The following MAST4 variants were observed in gnomAD, a reference collection of about 807,000 sequenced individuals.
MAST4 encodes the protein microtubule-associated serine/threonine-protein kinase 4.
In MAST4, 89 loss-of-function variants were observed where a neutral mutation model predicts 162.7. The ratio of observed to expected loss-of-function variants is 0.55; its 90% CI spans 0.46 to 0.65. MAST4 has a LOEUF of 0.65. Ranked by LOEUF, MAST4 falls within the 30% of genes least tolerant of loss-of-function variation. The pLI is 0.00. For synonymous variants in MAST4, 1,479 were observed against 1,361.1 expected (o/e 1.09, Z -1.91); for missense variants, 3,153 against 3,374.0 (o/e 0.93, Z 1.62).
chr5:66,926,754 A>G (rs537907079), intron 4 of MAST4, among the ~76,000 whole-genome samples: 2 of 152,084 alleles, frequency 1.3e-5, no homozygotes, highest in South Asian at 4.1e-4. Context: ...TGCTATATGA[A>G]GGAAAAAAGG....
chr5:66,925,915 CCATTT>C (rs1379894623), intron 4 of MAST4, among the ~76,000 whole-genome samples: 2 of 152,074 alleles, frequency 1.3e-5, no homozygotes, highest in Non-Finnish European at 1.5e-5. Flanking sequence ...GTTGAGTCCT[CCATTT>C]CATGAGCTTT....
At chr5:67,097,409 T>C (rs1489171791) in intron 7 of MAST4, among the ~76,000 whole-genome samples, 3 of 152,144 alleles carry the variant, frequency 2.0e-5, no homozygotes, top group Admixed American at 1.3e-4. Context: ...ACAGAGAGAC[T>C]GTTTAACTGA....
At chr5:67,132,021 TTTC>T (rs1268446289) in intron 16 of MAST4, 70 bp downstream of exon 16, 13 of 1,491,544 alleles carry the variant, frequency 8.7e-6, no homozygotes, top group African/African-American at 1.4e-5. Context: ...ATAAAGATGT[TTTC>T]TTTTAGTCAA....
chr5:67,163,560 C>T lies in MAST4; in HGVS notation c.4381C>T (p.Leu1461=). Residue 1461 remains leucine (L), a synonymous_variant, in exon 29 of 29, where the codon CTG becomes TTG. Coordinates refer to ENST00000403625, the MANE Select transcript of MAST4 (RefSeq NM_001164664.2). The surrounding 1 kb of genome is among the most constrained non-coding windows in gnomAD (Gnocchi z 7.0). ...SPSYGSDKKH[L]CSRKHSLEVT... ...CTCTTACGGCAGTGACAAGAAGCAC[C>T]TGTGCTCCCGCAAGCACAGCCTGGA... is the stretch of plus-strand genomic sequence containing the variant. 2 of 1,596,026 alleles carry T rather than the reference C, an allele frequency of 1.3e-6. No homozygotes were observed. Among genetic ancestry groups the T allele is most frequent in the Middle Eastern group, 1.7e-4 (1 of 6,042 alleles).
At chr5:66,893,461 C>T (rs1337375827) in intron 3 of MAST4, among the ~76,000 whole-genome samples, 1 of 151,840 alleles carries the variant, frequency 6.6e-6, no homozygotes, top group Non-Finnish European at 1.5e-5. Context: ...CTCCTGACCT[C>T]AAGTGATCCA....
At chr5:66,811,913 G>T (rs1756498865) in intron 3 of MAST4, among the ~76,000 whole-genome samples, 1 of 152,194 alleles carries the variant, frequency 6.6e-6, no homozygotes, top group Non-Finnish European at 1.5e-5. Context: ...AATCAATACT[G>T]GAATTGTGTA....
chr5:66,635,257 C>T (rs1199235294), intron 1 of MAST4, among the ~76,000 whole-genome samples: 9 of 152,172 alleles, frequency 5.9e-5, no homozygotes, highest in Admixed American at 5.9e-4. Context: ...TGGGAAGTTT[C>T]TATCGGCAGT....
chr5:67,099,501 TA>T (rs543464979), intron 7 of MAST4, among the ~76,000 whole-genome samples: 3 of 152,046 alleles, frequency 2.0e-5, no homozygotes, highest in African/African-American at 2.4e-5. Context: ...TAATGATTTT[TA>T]AAAAAAATGC....
chr5:66,848,491 C>T (rs1410820306), intron 3 of MAST4, among the ~76,000 whole-genome samples: 1 of 152,142 alleles, frequency 6.6e-6, no homozygotes, highest in Non-Finnish European at 1.5e-5. Context: ...GGCATGACTT[C>T]ACCAATGATC....
intron 14 of MAST4, among the ~76,000 whole-genome samples, chr5:67,126,182 C>A (rs929839006): frequency 1.3e-5 from 2 of 152,114 alleles, no homozygotes; most frequent in Admixed American, 1.3e-4. Flanking sequence ...AATTTTCTCC[C>A]ATTCTGTAGG....
At chr5:66,738,371 A>G (rs1422047498) in intron 1 of MAST4, 1 of 152,376 alleles carries the variant, frequency 6.6e-6, no homozygotes, top group East Asian at 1.9e-4. Context: ...GCCCTGTCCA[A>G]CTGCAAGGAG....
At chr5:66,716,863 A>G (rs1394751832) in intron 1 of MAST4, among the ~76,000 whole-genome samples, 1 of 152,126 alleles carries the variant, frequency 6.6e-6, no homozygotes, top group Non-Finnish European at 1.5e-5. Flanking sequence ...CACCTTTATC[A>G]TTTATATCTT....
intron 9 of MAST4, among the ~76,000 whole-genome samples, chr5:67,103,985 C>T (rs1765320995): frequency 6.6e-6 from 1 of 152,168 alleles, no homozygotes; most frequent in Non-Finnish European, 1.5e-5. Context: ...CACTTATGTA[C>T]CCTCAGATCT....
At chr5:67,064,530 C>T (rs1397043303) in intron 5 of MAST4, among the ~76,000 whole-genome samples, 2 of 152,196 alleles carry the variant, frequency 1.3e-5, no homozygotes, top group Non-Finnish European at 2.9e-5. Flanking sequence ...ACCACAAAGC[C>T]CTGTACATCA....
chr5:66,954,627 G>A (rs59704701), intron 4 of MAST4, among the ~76,000 whole-genome samples: 2,962 of 152,240 alleles, frequency 0.019, 95 homozygotes, highest in African/African-American at 0.068. Context: ...AAGCCTGGGC[G>A]TGGTGTCTCA....
intron 5 of MAST4, among the ~76,000 whole-genome samples, chr5:67,074,299 T>A (rs1311355515): frequency 1.3e-5 from 2 of 152,172 alleles, no homozygotes; most frequent in African/African-American, 2.4e-5. Context: ...ATGGTAATAT[T>A]CATTTCTGAT....
At chr5:67,143,158 C>T (rs146110150) in intron 21 of MAST4, 115 of 152,162 alleles carry the variant, frequency 7.6e-4, no homozygotes, top group African/African-American at 2.7e-3. Context: ...TAGTGGCTCA[C>T]GCCTCTAATC....
intron 1 of MAST4, among the ~76,000 whole-genome samples, chr5:66,672,575 A>G (rs1747676431): frequency 6.6e-6 from 1 of 152,242 alleles, no homozygotes; most frequent in South Asian, 2.1e-4. Context: ...CTTAAATTAC[A>G]CATTATGTAA....
At chr5:66,818,358 C>A (rs1756828477) in intron 3 of MAST4, among the ~76,000 whole-genome samples, 1 of 151,930 alleles carries the variant, frequency 6.6e-6, no homozygotes, top group South Asian at 2.1e-4. Context: ...CCCCAAGAAT[C>A]ACATGGTATT....
Sources: gnomAD v4.1 joint callset for allele counts (sites outside exome capture counted in the v4.1 genomes callset) on GRCh38, gnomAD v4.1.1 for gene constraint, Gnocchi (gnomAD v3.1) non-coding constraint, MANE v1.5 for transcripts, NCBI Gene and HGNC (gene_info 2026-07-23, HGNC 2026-07-21) for gene names.